Variants in CAMK2B observed in about 807,000 individuals in gnomAD.
The protein encoded by CAMK2B is calcium/calmodulin dependent protein kinase II beta, also known as calcium/calmodulin-dependent protein kinase type II subunit beta.
Under a neutral mutation model 93.7 loss-of-function variants are expected in CAMK2B, and 27 were observed. The observed-to-expected ratio is 0.29, with a 90% CI of 0.21 to 0.40. CAMK2B has a LOEUF of 0.40. CAMK2B is among the 10% of genes least tolerant of loss of function. The probability of loss-of-function intolerance (pLI) is 1.00; values close to 1 mark genes in which losing one functional copy is unlikely to be tolerated. For missense variants in CAMK2B, 568 were observed against 895.8 expected (o/e 0.63, Z 4.67); for synonymous variants, 374 against 358.8 (o/e 1.04, Z -0.48).
intron 3 of CAMK2B, among the ~76,000 whole-genome samples, chr7:44,262,134 G>C (rs2096883857): frequency 6.6e-6 from 1 of 152,230 alleles, no homozygotes; most frequent in South Asian, 2.1e-4. Flanking sequence ...GCGACCTTCG[G>C]AGCCAGGCCC....
chr7:44,238,456 C>T (rs555595243), intron 13 of CAMK2B, among the ~76,000 whole-genome samples: 4 of 152,322 alleles, frequency 2.6e-5, no homozygotes, highest in African/African-American at 7.2e-5. Flanking sequence ...CTCCCGCCTG[C>T]GCTCTGGAAA....
In CAMK2B at chr7:44,228,805, A is replaced by AC; in HGVS notation, c.1458dup (p.Ser487ValfsTer9). ...GGGGGCCACTACTTACACGGGGAGG[A>AC]CAGGGGGCCTAGGAGAGCCGGAGAC... On this transcript the variant is annotated frameshift_variant, in exon 19 of 24. Transcript: ENST00000395749. LOFTEE classifies it high-confidence loss of function. 1 of 1,500,994 alleles carries AC rather than the reference A, an allele frequency of 6.7e-7. No individual in the cohort carries two copies. Among genetic ancestry groups the AC allele is most frequent in the South Asian group, 1.3e-5 (1 of 74,378 alleles). 93.0% of individuals were successfully genotyped at this position (1,500,994 alleles called of 1,614,324 possible).
Position 44,234,566 on chromosome 7 carries a change from G to A in CAMK2B, c.1059+73C>T, listed in dbSNP as rs2096608182. The A allele has an allele frequency of 6.9e-6, 11 of 1,594,968 alleles. No homozygotes were observed. The Admixed American group carries it at 8.4e-5, about 12-fold the overall frequency. ...TGGGGGGAGGGGGACTCCAGAGCAG[G>A]AGCCCCAGGGCGTGGGGGTGAAGCT... On this transcript the variant is annotated intron_variant, in intron 14 of 23. Transcript: ENST00000395749.
At chr7:44,314,813 G>A (rs146385583) in intron 1 of CAMK2B, among the ~76,000 whole-genome samples, 190 of 152,322 alleles carry the variant, frequency 1.2e-3, no homozygotes, top group African/African-American at 4.4e-3. Context: ...TCGCATGATG[G>A]TTTTGAATTG....
chr7:44,243,616 A>C, intron 6 of CAMK2B, 89 bp from the exon 7 acceptor site: 1 of 1,035,632 alleles, frequency 9.7e-7, no homozygotes, highest in Non-Finnish European at 1.5e-6. Flanking sequence ...AAACAGAGAA[A>C]ACAGTGGTTT....
At position 44,284,210 on chromosome 7, in the gene CAMK2B, C is replaced by G. The variant is rs1479244505; in HGVS notation, c.81G>C (p.Val27=). ...YEDIGKGAFS[V]VRRCVKLCTG... is the part of the protein sequence containing the mutation. ...TGCAGAGCTTGACACAGCGTCGGAC[C>G]ACAGAGAAAGCCCCCCTGGGGAGGA... Residue 27 remains valine, a synonymous_variant, in exon 2 of 24, where the codon GTG becomes GTC. Transcript: ENST00000395749. 6.2e-7 allele frequency: 1 copy of G among 1,613,232 alleles called. No individual in the cohort carries two copies. Among genetic ancestry groups the G allele is most frequent in the Non-Finnish European group, 8.5e-7 (1 of 1,179,684 alleles).
At chr7:44,266,451 C>T (rs2096922092) in intron 2 of CAMK2B, among the ~76,000 whole-genome samples, 2 of 152,212 alleles carry the variant, frequency 1.3e-5, no homozygotes, top group South Asian at 2.1e-4. Context: ...AAGAAATGTG[C>T]CCTGGCCCTA....
chr7:44,297,527 T>C (rs1183025406), intron 1 of CAMK2B, among the ~76,000 whole-genome samples: 1 of 152,208 alleles, frequency 6.6e-6, no homozygotes, highest in Non-Finnish European at 1.5e-5. Flanking sequence ...TGGCTCTATA[T>C]ACACAAATTA....
At chr7:44,233,304 C>G (rs893471140) in intron 15 of CAMK2B, among the ~76,000 whole-genome samples, 2 of 152,026 alleles carry the variant, frequency 1.3e-5, no homozygotes, top group Admixed American at 1.3e-4. Flanking sequence ...GGACAGGGTC[C>G]GAGATGGGGC....
At chr7:44,244,597 A>G (rs1055778662) in intron 6 of CAMK2B, among the ~76,000 whole-genome samples, 13 of 151,922 alleles carry the variant, frequency 8.6e-5, no homozygotes, top group South Asian at 2.1e-4. Context: ...TCGGGATCAC[A>G]CTGCCGCTTG....
chr7:44,266,764 C>T (rs1271672851), intron 2 of CAMK2B: 1 of 152,286 alleles, frequency 6.6e-6, no homozygotes, highest in African/African-American at 2.4e-5. Context: ...TCCCAAGAGG[C>T]CTCCTGAGTG....
Position 44,220,102 on chromosome 7 carries a change from T to G in CAMK2B, c.1961A>C (p.His654Pro). The change falls in exon 23 of 24, where the codon CAC becomes CCC. Residue 654 changes from histidine (H) to proline (P), a missense_variant. Physicochemically the swap from His to Pro is moderately conservative, Grantham distance 77. Around this residue, in one of 4 missense-constraint regions of CAMK2B, gnomAD observed 116 missense variants for 188.0 expected, o/e 0.62. Coordinates refer to ENST00000395749, the MANE Select transcript of CAMK2B (RefSeq NM_001220.5). ...CACAGGCGCGCCCGAGCAGTGGAAGTGCACGTTCTGCCACTTGCCGTCGCG... is the reference window on the plus strand; with the variant it reads ...CACAGGCGCGCCCGAGCAGTGGAAGGGCACGTTCTGCCACTTGCCGTCGCG... ...HRRDGKWQNV[H>P]FHCSGAPVAP... 6.2e-7 allele frequency: 1 copy of G among 1,609,298 alleles called. No homozygotes were observed. Among genetic ancestry groups the G allele is most frequent in the Non-Finnish European group, 8.5e-7 (1 of 1,179,160 alleles).
At chr7:44,269,090 G>A (rs2096947511) in intron 2 of CAMK2B, among the ~76,000 whole-genome samples, 1 of 152,222 alleles carries the variant, frequency 6.6e-6, no homozygotes. Context: ...CGATGGAAGA[G>A]ATGGAGCTGA....
intron 20 of CAMK2B, 133 bp downstream of exon 20, chr7:44,226,382 TG>T: frequency 1.4e-6 from 1 of 704,874 alleles, no homozygotes; most frequent in Non-Finnish European, 2.1e-6. Context: ...AGCAATTCCC[TG>T]GGACCCAGCA....
intron 6 of CAMK2B, chr7:44,245,161 G>A (rs1345235756): frequency 2.3e-5 from 8 of 352,820 alleles, no homozygotes; most frequent in East Asian, 8.3e-5. Context: ...AACATGGACC[G>A]TAGGAAGCAC....
Position 44,225,084 on chromosome 7 carries a change from T to TG in CAMK2B, c.1597+1431dup, listed in dbSNP as rs2096459106. Among the ~76,000 whole-genome samples, 4 of 152,044 alleles carry TG rather than the reference T, an allele frequency of 2.6e-5. No individual in the cohort carries two copies. The South Asian group carries it at 8.3e-4, about 32-fold the overall frequency. ...ACTCTGGAAGGGCAGGTCTGTGCTG[T>TG]GGCCCCTGAAGGTGAGCCTGGACAC... On this transcript the variant is annotated intron_variant, in intron 20 of 23. Transcript: ENST00000395749. This position sits in a 1 kb window ranked among gnomAD's most constrained non-coding sequence, Gnocchi z 5.0.
intron 5 of CAMK2B, among the ~76,000 whole-genome samples, chr7:44,249,685 G>C (rs1260172414): frequency 6.6e-6 from 1 of 152,146 alleles, no homozygotes; most frequent in East Asian, 1.9e-4. Context: ...CCACCTCCCG[G>C]GACACCAACA....
chr7:44,312,287 G>A lies in CAMK2B; in HGVS notation c.65+13070C>T, dbSNP rs1055684067. Among the ~76,000 whole-genome samples, 14 of 152,204 alleles carry A rather than the reference G, an allele frequency of 9.2e-5. No homozygotes were observed. Among genetic ancestry groups the A allele is most frequent in the Non-Finnish European group, 1.9e-4 (13 of 68,028 alleles). ...GGGGAAATAGTTCAGCCAGGTGTCAGTGGCGAGAGGGTGGTGGTGGGAGGG... is the reference window on the plus strand; with the variant it reads ...GGGGAAATAGTTCAGCCAGGTGTCAATGGCGAGAGGGTGGTGGTGGGAGGG... On this transcript the variant is annotated intron_variant, in intron 1 of 23. Transcript: ENST00000395749. This position sits in a 1 kb window ranked among gnomAD's most constrained non-coding sequence, Gnocchi z 4.1.
intron 1 of CAMK2B, among the ~76,000 whole-genome samples, chr7:44,303,183 A>C (rs1224513405): frequency 1.3e-5 from 2 of 152,190 alleles, no homozygotes; most frequent in African/African-American, 2.4e-5. Flanking sequence ...ATACTTAGGT[A>C]TAAATCTAAC....
Sources: allele counts gnomAD v4.1 joint callset (sites outside exome capture counted in the v4.1 genomes callset), GRCh38; gene constraint gnomAD v4.1.1; regional missense constraint gnomAD v4.1.1; non-coding constraint Gnocchi (gnomAD v3.1); transcripts MANE v1.5; gene names NCBI Gene and HGNC (gene_info 2026-07-23, HGNC 2026-07-21).